TRIO: variants seen among roughly 807,000 people sequenced by gnomAD.
TRIO encodes trio Rho guanine nucleotide exchange factor.
Under a neutral mutation model 351.9 loss-of-function variants are expected in TRIO, and 58 were observed. The observed-to-expected ratio is 0.16, with a 90% confidence interval of 0.13 to 0.21. The LOEUF (loss-of-function observed/expected upper bound fraction) is 0.21, where lower values mean the gene tolerates loss of function less well. TRIO is among the 10% of genes least tolerant of loss of function. The pLI, the probability that TRIO is intolerant of heterozygous loss-of-function variation, is 1.00. For missense variants in TRIO, 3,201 were observed against 4,027.8 expected (o/e 0.79, Z 5.56); for synonymous variants, 1,758 against 1,595.7 (o/e 1.10, Z -2.42).
chr5:14,418,572 G>A (rs990725420), intron 33 of TRIO, among the ~76,000 whole-genome samples: 21 of 152,170 alleles, frequency 1.4e-4, no homozygotes, highest in African/African-American at 5.1e-4. Context: ...AGAGATTTAG[G>A]GGGTGGGAGG....
chr5:14,291,125 G>A lies in TRIO; in HGVS notation c.950G>A (p.Arg317Gln), dbSNP rs758751391. Reference sequence around the variant, plus strand: ...CCCAAGGTGTCCACCATGCTGGACCGGCTGCACTCGACACGGCAGCATCTG... The same window carrying A: ...CCCAAGGTGTCCACCATGCTGGACCAGCTGCACTCGACACGGCAGCATCTG... ...LLPKVSTMLD[R>Q]LHSTRQHLHQ... The change falls in exon 5 of 57, where the codon CGG becomes CAG. Residue 317 changes from arginine to glutamine, a missense_variant. Arg to Gln is a conservative substitution (Grantham distance 43, BLOSUM62 1). Around this residue, in one of 19 missense-constraint regions of TRIO, gnomAD observed 349 missense variants for 449.3 expected, o/e 0.78. Transcript: ENST00000344204. 5 of 1,614,102 alleles carry A rather than the reference G, an allele frequency of 3.1e-6. No homozygotes were observed. The highest frequency in any genetic ancestry group is 3.4e-6 in the Non-Finnish European group (4 of 1,180,030).
chr5:14,296,214 C>T lies in TRIO; in HGVS notation c.1177-858C>T, dbSNP rs1054589324. ...TTGAGAGGAGCCAAAGAGGTATCTA[C>T]GATTTTGGGGGACCCATGGGAAGGA... On this transcript the variant is annotated intron_variant, in intron 6 of 56. Coordinates refer to ENST00000344204, the MANE Select transcript of TRIO (RefSeq NM_007118.4). Among the ~76,000 whole-genome samples, 20 of 151,788 alleles carry T rather than the reference C, an allele frequency of 1.3e-4. 1 individual carries two copies. Among genetic ancestry groups the T allele is most frequent in the Admixed American group, 6.6e-5 (1 of 15,238 alleles).
intron 1 of TRIO, among the ~76,000 whole-genome samples, chr5:14,251,768 A>G (rs1794759667): frequency 6.6e-6 from 1 of 152,128 alleles, no homozygotes; most frequent in South Asian, 2.1e-4. Context: ...AGGTGTGAGG[A>G]TGGGGGTGGC....
intron 2 of TRIO, among the ~76,000 whole-genome samples, chr5:14,277,429 C>T (rs969045893): frequency 7.2e-5 from 11 of 152,164 alleles, no homozygotes; most frequent in Admixed American, 2.6e-4. Flanking sequence ...GAAAAGCTTC[C>T]ATACATAGAC....
chr5:14,368,959 T>C (rs1042120407), intron 17 of TRIO, 60 bp downstream of exon 17: 5 of 1,541,826 alleles, frequency 3.2e-6, no homozygotes. Context: ...GCTTAATTTA[T>C]TGGACAGCTC....
intron 19 of TRIO, among the ~76,000 whole-genome samples, chr5:14,376,959 A>G (rs1486825225): frequency 6.6e-6 from 1 of 152,192 alleles, no homozygotes. Flanking sequence ...GTTCCTGTAT[A>G]TTTAGTGACT....
At chr5:14,331,046 A>G (rs1372705334) in intron 10 of TRIO, 146 bp downstream of exon 10, 6 of 1,202,866 alleles carry the variant, frequency 5.0e-6, no homozygotes, top group Non-Finnish European at 5.7e-6. Flanking sequence ...TTTCAGAGTG[A>G]AGTTGTCATT....
chr5:14,275,548 C>T (rs1304249442), intron 2 of TRIO, among the ~76,000 whole-genome samples: 3 of 151,166 alleles, frequency 2.0e-5, no homozygotes, highest in African/African-American at 7.3e-5. Context: ...TTTGCTTTCT[C>T]CACCCTGTGC....
intron 40 of TRIO, 114 bp downstream of exon 40, chr5:14,474,211 C>T: frequency 1.1e-6 from 1 of 933,094 alleles, no homozygotes; most frequent in Non-Finnish European, 1.6e-6. Flanking sequence ...GTGTAGCCTC[C>T]TGGAGGGAGC....
intron 9 of TRIO, among the ~76,000 whole-genome samples, chr5:14,329,277 G>A (rs899006520): frequency 6.6e-6 from 1 of 152,222 alleles, no homozygotes; most frequent in Non-Finnish European, 1.5e-5. Flanking sequence ...AGGTGATTTT[G>A]ATCTGCATCG....
chr5:14,312,820 A>G (rs373961344), intron 8 of TRIO, among the ~76,000 whole-genome samples: 19 of 152,270 alleles, frequency 1.2e-4, no homozygotes, highest in African/African-American at 4.1e-4. Context: ...TTCTTTCATT[A>G]ATTTTCTCCT....
rs969219570 is a variant in TRIO at position 14,507,115 on chromosome 5, T to A, written c.8613-7T>A. ...ATCATAACAGTCACCCGCTCCTGCC[T>A]CTTTAGGGCTGACCAGGGTCGCCTC... On this transcript the variant is annotated splice_region_variant and splice_polypyrimidine_tract_variant and intron_variant, in intron 55 of 56. Coordinates refer to ENST00000344204, the MANE Select transcript of TRIO (RefSeq NM_007118.4). 1 of 1,569,966 alleles carries A rather than the reference T, an allele frequency of 6.4e-7. No homozygotes were observed. The highest frequency in any genetic ancestry group is 1.4e-5 in the African/African-American group (1 of 72,620).
At chr5:14,355,586 T>C (rs995488002) in intron 11 of TRIO, among the ~76,000 whole-genome samples, 1 of 152,240 alleles carries the variant, frequency 6.6e-6, no homozygotes, top group African/African-American at 2.4e-5. Context: ...CTTATAATAC[T>C]GTTACTACTA....
At chr5:14,267,560 G>A (rs1795755674) in intron 1 of TRIO, among the ~76,000 whole-genome samples, 1 of 152,196 alleles carries the variant, frequency 6.6e-6, no homozygotes, top group African/African-American at 2.4e-5. Context: ...TAGCAGAGAA[G>A]CCACTTATTT....
At chr5:14,343,374 GGGTT>G (rs1193930464) in intron 11 of TRIO, among the ~76,000 whole-genome samples, 1 of 152,210 alleles carries the variant, frequency 6.6e-6, no homozygotes, top group Non-Finnish European at 1.5e-5. Flanking sequence ...CATCATCAAA[GGGTT>G]CCCTGCACTG....
intron 1 of TRIO, among the ~76,000 whole-genome samples, chr5:14,161,882 A>G (rs908093230): frequency 6.6e-6 from 1 of 152,122 alleles, no homozygotes; most frequent in African/African-American, 2.4e-5. Flanking sequence ...GCATACCACT[A>G]TGCCTGGCTA....
At chr5:14,381,361 C>G (rs1347706949) in intron 21 of TRIO, 109 bp downstream of exon 21, 1 of 1,353,732 alleles carries the variant, frequency 7.4e-7, no homozygotes, top group East Asian at 2.5e-5. Context: ...ACCCAGTGGG[C>G]TGTTCCACAT....
Position 14,223,718 on chromosome 5 carries a change from A to G in TRIO, c.158-47107A>G, listed in dbSNP as rs886865362. Among the ~76,000 whole-genome samples, 5 of 152,228 alleles carry G rather than the reference A, an allele frequency of 3.3e-5. No individual in the cohort carries two copies. In the East Asian group the frequency reaches 9.6e-4, roughly 29 times the overall value. On this transcript the variant is annotated intron_variant, in intron 1 of 56. Transcript: ENST00000344204. ...GCAGCTGTGCATTCTGTGGCCCTAA[A>G]CAGGCACTTTGTTTTTCATTTGAAG...
At chr5:14,371,890 C>T (rs934404683) in intron 18 of TRIO, among the ~76,000 whole-genome samples, 5 of 152,122 alleles carry the variant, frequency 3.3e-5, no homozygotes, top group African/African-American at 1.2e-4. Flanking sequence ...GATCCTCCCA[C>T]CTTGGCCTCC....
Sources: gnomAD v4.1 joint callset for allele counts (sites outside exome capture counted in the v4.1 genomes callset) on GRCh38, gnomAD v4.1.1 for gene constraint, gnomAD v4.1.1 regional missense constraint, MANE v1.5 for transcripts, NCBI Gene and HGNC (gene_info 2026-07-23, HGNC 2026-07-21) for gene names.